The following TMEM62 variants were observed in gnomAD, a reference collection of about 807,000 sequenced individuals.
The protein encoded by TMEM62 is transmembrane protein 62.
TMEM62 carries 41 observed loss-of-function variants against 70.4 expected under a neutral mutation model. The observed-to-expected ratio is 0.58, with a 90% CI of 0.45 to 0.76. TMEM62 has a LOEUF of 0.76. Ranked by LOEUF, TMEM62 falls within the 30% of genes least tolerant of loss-of-function variation. TMEM62 has a pLI of 0.00. For synonymous variants in TMEM62, 268 were observed against 291.0 expected (o/e 0.92, Z 0.80); for missense variants, 688 against 788.5 (o/e 0.87, Z 1.53).
chr15:43,171,607 A>T (rs1003634081), intron 11 of TMEM62, among the ~76,000 whole-genome samples: 46 of 150,204 alleles, frequency 3.1e-4, no homozygotes, highest in African/African-American at 1.1e-3. Context: ...TTTCATATTA[A>T]TAAAAACTTT....
At chr15:43,175,095 C>T (rs1041301303) in intron 11 of TMEM62, among the ~76,000 whole-genome samples, 2 of 152,072 alleles carry the variant, frequency 1.3e-5, no homozygotes, top group Non-Finnish European at 2.9e-5. Flanking sequence ...TAATGTGCAG[C>T]CAAAATGGAG....
chr15:43,140,979 T>A (rs2035924933), intron 4 of TMEM62, among the ~76,000 whole-genome samples: 2 of 152,182 alleles, frequency 1.3e-5, no homozygotes, highest in Non-Finnish European at 2.9e-5. Flanking sequence ...CGCTGGAGAC[T>A]CTCAGTATCC....
chr15:43,140,156 T>C (rs1203755761), intron 4 of TMEM62, among the ~76,000 whole-genome samples: 1 of 152,186 alleles, frequency 6.6e-6, no homozygotes, highest in Non-Finnish European at 1.5e-5. Context: ...TAGGTCACTT[T>C]TTCCGCTTGT....
At chr15:43,161,225 A>G (rs1488642817) in intron 10 of TMEM62, among the ~76,000 whole-genome samples, 2 of 152,186 alleles carry the variant, frequency 1.3e-5, no homozygotes, top group Non-Finnish European at 2.9e-5. Context: ...AAGGTTAGTT[A>G]TTTGTCTAGA....
In TMEM62 at chr15:43,178,674, C is replaced by T. The variant is rs1251808460; in HGVS notation, c.1449C>T (p.Tyr483=). 14 of 1,612,752 alleles carry T rather than the reference C, an allele frequency of 8.7e-6. No homozygotes were observed. Among genetic ancestry groups the T allele is most frequent in the Non-Finnish European group, 1.2e-5 (14 of 1,179,020 alleles). Reference sequence around the variant, plus strand: ...TCTTGAGCAAAATAAACATCTTCTACTATTCTGTGTTGTTGTTGACCCTGT... The same window carrying T: ...TCTTGAGCAAAATAAACATCTTCTATTATTCTGTGTTGTTGTTGACCCTGT... The part of the protein sequence containing the change: ...LHVLSKINIF[Y]YSVLLLTLYT... The change falls in exon 12 of 14, where the codon TAC becomes TAT. Residue 483 remains tyrosine, a synonymous_variant. Coordinates refer to ENST00000260403, the MANE Select transcript of TMEM62 (RefSeq NM_024956.4).
chr15:43,176,410 G>A (rs984515903), intron 11 of TMEM62, among the ~76,000 whole-genome samples: 4 of 152,310 alleles, frequency 2.6e-5, no homozygotes, highest in African/African-American at 9.6e-5. Flanking sequence ...CCTGACCCCC[G>A]AGCAGCCCAA....
At chr15:43,180,310 A>C (rs1645652180) in intron 12 of TMEM62, among the ~76,000 whole-genome samples, 1 of 152,172 alleles carries the variant, frequency 6.6e-6, no homozygotes, top group Admixed American at 6.5e-5. Flanking sequence ...TTTAGTACAG[A>C]CAGGATTTCA....
intron 4 of TMEM62, among the ~76,000 whole-genome samples, chr15:43,144,379 G>A (rs1012500285): frequency 6.6e-6 from 1 of 152,190 alleles, no homozygotes; most frequent in African/African-American, 2.4e-5. Flanking sequence ...AAGCATAGAA[G>A]TTGAGATGTG....
Position 43,133,719 on chromosome 15 carries a change from G to T in TMEM62, c.-84G>T. On this transcript the variant is annotated 5_prime_UTR_variant, in exon 1 of 14. Transcript: ENST00000260403. ...CTCTGGCCCTGCGACAATAGAGTCCGGAAGTGCAGGCAAAGCGGCTCCCGG... is the reference window on the plus strand; with the variant it reads ...CTCTGGCCCTGCGACAATAGAGTCCTGAAGTGCAGGCAAAGCGGCTCCCGG... 1.0e-6 allele frequency: 1 copy of T among 985,930 alleles called. No homozygotes were observed. Among genetic ancestry groups the T allele is most frequent in the Non-Finnish European group, 1.3e-6 (1 of 755,966 alleles). 61.1% of individuals were successfully genotyped at this position (985,930 alleles called of 1,614,324 possible). A position where few individuals can be genotyped will look rare whatever the true frequency, so the allele number is the denominator to read the frequency against.
At position 43,152,595 on chromosome 15, in the gene TMEM62, G is replaced by A. The variant is rs373566523; in HGVS notation, c.1022+650G>A. 2.0e-5 allele frequency among the ~76,000 whole-genome samples: 3 copies of A among 151,978 alleles called. No homozygotes were observed. The East Asian group carries it at 5.8e-4, about 29-fold the overall frequency. On this transcript the variant is annotated intron_variant, in intron 8 of 13. Coordinates refer to ENST00000260403, the MANE Select transcript of TMEM62 (RefSeq NM_024956.4). Reference sequence around the variant, plus strand: ...TTTTTAGTAGAGAGAGGGTTTCACCGCGTTGGCCAGGCTGGTCTCGAACTC... The same window carrying A: ...TTTTTAGTAGAGAGAGGGTTTCACCACGTTGGCCAGGCTGGTCTCGAACTC...
chr15:43,154,795 C>T lies in TMEM62; in HGVS notation c.1146C>T (p.Tyr382=). 1.2e-6 allele frequency: 2 copies of T among 1,613,440 alleles called. No homozygotes were observed. Among genetic ancestry groups the T allele is most frequent in the South Asian group, 1.1e-5 (1 of 90,994 alleles). ...IFVLKWNPRN[Y]SSGTHNIEVI... ...TACTGAAGTGGAATCCTAGAAACTA[C>T]AGTAGTGGGACACATAACATAGAAG... The change falls in exon 9 of 14, where the codon TAC becomes TAT. Residue 382 remains tyrosine, a synonymous_variant. Transcript: ENST00000260403.
chr15:43,154,905 T>TAA, intron 9 of TMEM62, 74 bp downstream of exon 9: 1 of 1,334,202 alleles, frequency 7.5e-7, no homozygotes. Flanking sequence ...TGGAATTTTT[T>TAA]AGTCAATTGG....
chr15:43,134,204 C>T (rs2034846147), intron 1 of TMEM62, 53 bp from the exon 2 acceptor site: 2 of 1,576,390 alleles, frequency 1.3e-6, no homozygotes, highest in Non-Finnish European at 1.7e-6. Flanking sequence ...CGCCCCTCCC[C>T]ATGCTGCCTC....
At chr15:43,178,544 A>G (rs2041013310) in intron 11 of TMEM62, 63 bp from the exon 12 acceptor site, 1 of 1,043,192 alleles carries the variant, frequency 9.6e-7, no homozygotes, top group African/African-American at 1.6e-5. Context: ...TCTTCTAGAA[A>G]ATGTCATAAA....
Position 43,154,950 on chromosome 15 carries a change from G to A in TMEM62, c.1182+119G>A, listed in dbSNP as rs938126235. 46 of 909,964 alleles carry A rather than the reference G, an allele frequency of 5.1e-5. No individual in the cohort carries two copies. In the Admixed American group the frequency reaches 1.1e-3, roughly 22 times the overall value. The allele number at this position is 909,964 out of a possible 1,614,324, so 56.4% of individuals were successfully genotyped here. A position where few individuals can be genotyped will look rare whatever the true frequency, so the allele number is the denominator to read the frequency against. ...CATGTTTAAAAAAAAACTGGGGGCC[G>A]GGCATGGTGGCTCACGCCTGTAATC... is the stretch of plus-strand genomic sequence containing the variant. On this transcript the variant is annotated intron_variant, in intron 9 of 13. Transcript: ENST00000260403.
chr15:43,162,319 A>G (rs2038815648), intron 10 of TMEM62, among the ~76,000 whole-genome samples: 1 of 139,524 alleles, frequency 7.2e-6, no homozygotes, highest in Non-Finnish European at 1.5e-5. Context: ...TTTTTTTTTC[A>G]GTAGAGTCGG....
chr15:43,162,899 C>A (rs1011265428), intron 10 of TMEM62, among the ~76,000 whole-genome samples: 1 of 151,866 alleles, frequency 6.6e-6, no homozygotes, highest in East Asian at 1.9e-4. Flanking sequence ...GGTGGGCACA[C>A]TATTTTATAT....
At chr15:43,146,465 T>C (rs1260334583) in intron 4 of TMEM62, 28 bp from the exon 5 acceptor site, 1 of 1,592,096 alleles carries the variant, frequency 6.3e-7, no homozygotes, top group South Asian at 1.1e-5. Flanking sequence ...TTTATTACAC[T>C]AACACCCTCC....
At position 43,178,598 on chromosome 15, in the gene TMEM62, G is replaced by GT. The variant is rs764317417; in HGVS notation, c.1382-3dup. On this transcript the variant is annotated splice_polypyrimidine_tract_variant and intron_variant, in intron 11 of 13. Transcript: ENST00000260403. ...TGTTCACTGGGTTTTTCAACTTTATGTTTTTTAGAACCTTCAGGGTTTATA... is the reference window on the plus strand; with the variant it reads ...TGTTCACTGGGTTTTTCAACTTTATGTTTTTTTAGAACCTTCAGGGTTTATA... 5.1e-6 allele frequency: 8 copies of GT among 1,579,658 alleles called. No individual in the cohort carries two copies. The highest frequency in any genetic ancestry group is 6.1e-6 in the Non-Finnish European group (7 of 1,153,212).
Sources: gnomAD v4.1 joint callset for allele counts (sites outside exome capture counted in the v4.1 genomes callset) on GRCh38, gnomAD v4.1.1 for gene constraint, MANE v1.5 for transcripts, NCBI Gene and HGNC (gene_info 2026-07-23, HGNC 2026-07-21) for gene names.